Variants in BRF1 observed in about 807,000 individuals in gnomAD.
The protein encoded by BRF1 is transcription factor IIIB 90 kDa subunit.
In BRF1, 59 loss-of-function variants were observed where a neutral mutation model predicts 81.7. The observed-to-expected ratio is 0.72, with a 90% confidence interval of 0.59 to 0.90. The LOEUF is 0.90. BRF1 is among the 40% of genes least tolerant of loss of function. BRF1 has a pLI of 0.00. For synonymous variants in BRF1, 491 were observed against 395.6 expected, an observed-to-expected ratio of 1.24 and a Z score of -2.86; for missense variants, 1,050 against 936.3, an observed-to-expected ratio of 1.12 and a Z score of -1.58.
At chr14:105,219,349 G>T in intron 12 of BRF1, 117 bp from the exon 13 acceptor site, 4 of 1,534,582 alleles carry the variant, frequency 2.6e-6, no homozygotes, top group Non-Finnish European at 3.5e-6. Flanking sequence ...ACCCGGGGCA[G>T]CCTCTATTTA....
rs1373354612 is a variant in BRF1 at position 105,221,891 on chromosome 14, T to C, written c.1072A>G (p.Ser358Gly). Residue 358 changes from serine to glycine, a missense_variant, in exon 11 of 18, where the codon AGC becomes GGC. By Grantham distance (56) the Ser-to-Gly change is moderately conservative. Coordinates refer to ENST00000547530, the MANE Select transcript of BRF1 (RefSeq NM_001519.4). ...KDGSTEDTAS[S>G]LCGEEDTEDE... Reference sequence around the variant, plus strand: ...TCTGTGTCCTCCTCGCCACACAAGCTGGACGCGGTGTCCTCGGTGGAGCCT... The same window carrying C: ...TCTGTGTCCTCCTCGCCACACAAGCCGGACGCGGTGTCCTCGGTGGAGCCT... 1 of 1,597,914 alleles carries C rather than the reference T, an allele frequency of 6.3e-7. No individual in the cohort carries two copies. The highest frequency in any genetic ancestry group is 1.3e-5 in the African/African-American group (1 of 74,606).
chr14:105,314,319 T>G (rs1372791209), intron 1 of BRF1: 5 of 150,128 alleles, frequency 3.3e-5, no homozygotes, highest in African/African-American at 1.2e-4. Context: ...GGCGGGAAAG[T>G]GTCGAGGCCG....
intron 15 of BRF1, among the ~76,000 whole-genome samples, chr14:105,216,804 C>G (rs1266983973): frequency 6.6e-6 from 1 of 152,226 alleles, no homozygotes; most frequent in Non-Finnish European, 1.5e-5. Flanking sequence ...CAGACACACC[C>G]AGCCCGGAGA....
At chr14:105,229,003 C>G in intron 6 of BRF1, 90 bp from the exon 7 acceptor site, 8 of 1,193,052 alleles carry the variant, frequency 6.7e-6, no homozygotes, top group Non-Finnish European at 9.9e-6. Context: ...GGATCCCGGT[C>G]ACGGAGATGA....
intron 1 of BRF1, among the ~76,000 whole-genome samples, chr14:105,293,691 C>T (rs2057615867): frequency 1.3e-5 from 2 of 152,208 alleles, no homozygotes; most frequent in South Asian, 4.1e-4. Context: ...CACGCTGAGC[C>T]TCAGTCCTCA....
chr14:105,219,956 G>A (rs1284205505), intron 12 of BRF1, 113 bp downstream of exon 12: 34 of 1,155,428 alleles, frequency 2.9e-5, no homozygotes, highest in East Asian at 7.5e-5. Flanking sequence ...TTCACCCAGC[G>A]GGGTGGGCTC....
At chr14:105,215,585 C>G (rs1891010557) in intron 15 of BRF1, among the ~76,000 whole-genome samples, 1 of 150,898 alleles carries the variant, frequency 6.6e-6, no homozygotes, top group Non-Finnish European at 1.5e-5. Context: ...GGCACACAGA[C>G]ACAGGCGCAC....
chr14:105,217,941 C>A (rs1039361182), intron 14 of BRF1, 141 bp from the exon 15 acceptor site: 24 of 1,358,812 alleles, frequency 1.8e-5, no homozygotes, highest in Middle Eastern at 5.3e-4. Context: ...CTCCTCCCCC[C>A]AGAATGTGGG....
At chr14:105,212,642 TGCCAAGTCTTCTTG>T (rs139855302) in intron 15 of BRF1, 4,084 of 158,912 alleles carry the variant, frequency 0.026, 173 homozygotes, top group African/African-American at 0.094. Context: ...GCCTTCCACA[TGCCAAGTCTTCTTG>T]GAGACTGCTG....
intron 5 of BRF1, among the ~76,000 whole-genome samples, chr14:105,243,837 G>C (rs1243016451): frequency 6.6e-6 from 1 of 151,598 alleles, no homozygotes; most frequent in East Asian, 2.0e-4. Context: ...CTCTACTAAA[G>C]ATACAAAAAT....
chr14:105,284,684 G>A lies in BRF1; in HGVS notation c.265+1612C>T, dbSNP rs2057247773. On this transcript the variant is annotated intron_variant, in intron 2 of 17. Coordinates refer to ENST00000547530, the MANE Select transcript of BRF1 (RefSeq NM_001519.4). This position sits in a 1 kb window ranked among gnomAD's most constrained non-coding sequence, Gnocchi z 4.0. ...ATCCTAGCACAAAGTATCCCTGCCT[G>A]GACTGACCCACGGCCAACCCACACT... is the stretch of plus-strand genomic sequence containing the variant. Among the ~76,000 whole-genome samples the A allele has an allele frequency of 6.6e-6, 1 of 152,158 alleles. No homozygotes were observed. The highest frequency in any genetic ancestry group is 2.4e-5 in the African/African-American group (1 of 41,432).
chr14:105,218,071 C>G (rs1336352938), intron 14 of BRF1, among the ~76,000 whole-genome samples: 2 of 152,230 alleles, frequency 1.3e-5, no homozygotes, highest in African/African-American at 4.8e-5. Context: ...AAACATGCCA[C>G]AGGTGCTCAG....
intron 15 of BRF1, among the ~76,000 whole-genome samples, chr14:105,213,786 C>T (rs1164181522): frequency 2.0e-5 from 3 of 152,222 alleles, no homozygotes; most frequent in African/African-American, 7.2e-5. Flanking sequence ...CCTACTCCTG[C>T]AGAACCCGGC....
intron 10 of BRF1, chr14:105,222,485 A>C (rs1311402892): frequency 6.6e-6 from 1 of 152,408 alleles, no homozygotes; most frequent in Non-Finnish European, 1.5e-5. Context: ...AAGGAAATGC[A>C]AATGAAACCA....
rs139133990 is a variant in BRF1, at chr14:105,279,947, C to T, written c.265+6349G>A. On this transcript the variant is annotated intron_variant, in intron 2 of 17. Transcript: ENST00000547530. ...AGCCCAGACACTGGCAAGCCAGATG[C>T]GGACGACTAGAGCCACAGGAGCTCT... Among the ~76,000 whole-genome samples, 505 of 152,346 alleles carry T rather than the reference C, an allele frequency of 3.3e-3. 3 individuals carry two copies. Among genetic ancestry groups the T allele is most frequent in the East Asian group, 0.014 (75 of 5,192 alleles).
intron 5 of BRF1, among the ~76,000 whole-genome samples, chr14:105,246,219 C>CA (rs35865531): frequency 2.8e-4 from 41 of 147,104 alleles, no homozygotes; most frequent in African/African-American, 6.5e-4. Flanking sequence ...GACTCTGTCT[C>CA]AAAAAAAAAA....
At chr14:105,303,522 C>T (rs587677800), upstream of BRF1, among the ~76,000 whole-genome samples, 16 of 152,354 alleles carry the variant, frequency 1.1e-4, 1 homozygote, top group South Asian at 8.3e-4. Context: ...GGACTATGGG[C>T]GTGAGCCATC....
chr14:105,272,726 G>A lies in BRF1; in HGVS notation c.434C>T (p.Thr145Met), dbSNP rs1201383048. ...GCTCTCAAACCAAAGGATACGCGGC[G>A]TGCCCTCCGTACGGCAGACCAGGTA... ...CLYLVCRTEG[T>M]PHMLLDLSDL... Residue 145 changes from threonine (T) to methionine (M), a missense_variant, in exon 3 of 18, where the codon ACG becomes ATG. Thr to Met is a moderately conservative substitution (Grantham distance 81). This residue lies in a region of BRF1 where 1,043 missense variants were observed against 915.4 expected (regional missense o/e 1.14). Coordinates refer to ENST00000547530, the MANE Select transcript of BRF1 (RefSeq NM_001519.4). 2 of 1,605,786 alleles carry A rather than the reference G, an allele frequency of 1.2e-6. No individual in the cohort carries two copies. Among genetic ancestry groups the A allele is most frequent in the Non-Finnish European group, 8.5e-7 (1 of 1,173,722 alleles).
intron 7 of BRF1, 187 bp from the exon 8 acceptor site, chr14:105,226,947 CAAA>C (rs769464416): frequency 3.2e-3 from 1,497 of 461,358 alleles, no homozygotes; most frequent in Middle Eastern, 4.5e-3. Flanking sequence ...TGTCTCTACC[CAAA>C]AAAAAAAAAA....
Sources: allele counts gnomAD v4.1 joint callset (sites outside exome capture counted in the v4.1 genomes callset), GRCh38; gene constraint gnomAD v4.1.1; regional missense constraint gnomAD v4.1.1; non-coding constraint Gnocchi (gnomAD v3.1); transcripts MANE v1.5; gene names NCBI Gene and HGNC (gene_info 2026-07-23, HGNC 2026-07-21).